The following SCFD2 variants were observed in gnomAD, a reference collection of about 807,000 sequenced individuals.
The protein encoded by SCFD2 is sec1 family domain containing 2, also known as sec1 family domain-containing protein 2.
SCFD2 carries 54 observed loss-of-function variants against 58.9 expected under a neutral mutation model. That is an observed-to-expected ratio of 0.92 (90% CI 0.74 to 1.15). The LOEUF (loss-of-function observed/expected upper bound fraction) is 1.15, where lower values mean the gene tolerates loss of function less well. Among genes scored for constraint, SCFD2 ranks in the 50% most tolerant of loss-of-function variants. The pLI is 0.00. For missense variants in SCFD2, 805 were observed against 836.6 expected (o/e 0.96, Z 0.47); for synonymous variants, 321 against 335.9 (o/e 0.96, Z 0.49).
At chr4:53,167,396 G>A (rs1228484148) in intron 4 of SCFD2, among the ~76,000 whole-genome samples, 1 of 152,114 alleles carries the variant, frequency 6.6e-6, no homozygotes, top group Non-Finnish European at 1.5e-5. Context: ...TTATTTGAAG[G>A]TTATAATCTT....
chr4:53,123,616 T>C (rs1442350830), intron 5 of SCFD2, among the ~76,000 whole-genome samples: 2 of 152,144 alleles, frequency 1.3e-5, no homozygotes, highest in African/African-American at 2.4e-5. Context: ...CCCAAAATGC[T>C]ACTAAAACCC....
chr4:53,019,405 T>C (rs1403609256), intron 5 of SCFD2, among the ~76,000 whole-genome samples: 1 of 152,194 alleles, frequency 6.6e-6, no homozygotes, highest in Non-Finnish European at 1.5e-5. Flanking sequence ...TTGAAATAAG[T>C]TTATCAAAAT....
At chr4:52,919,310 A>G (rs1719679889) in intron 6 of SCFD2, among the ~76,000 whole-genome samples, 1 of 152,196 alleles carries the variant, frequency 6.6e-6, no homozygotes, top group African/African-American at 2.4e-5. Flanking sequence ...ATGTCATCAT[A>G]TATCACTAGT....
intron 2 of SCFD2, among the ~76,000 whole-genome samples, chr4:53,350,347 G>A (rs1734179650): frequency 6.6e-6 from 1 of 152,116 alleles, no homozygotes; most frequent in South Asian, 2.1e-4. Flanking sequence ...TTAAGGAGAA[G>A]GACTCAAAGA....
intron 7 of SCFD2, among the ~76,000 whole-genome samples, chr4:52,899,854 T>C (rs1719136544): frequency 6.6e-6 from 1 of 152,214 alleles, no homozygotes; most frequent in South Asian, 2.1e-4. Context: ...CATTTCTTTT[T>C]ATTCTTTTTT....
intron 5 of SCFD2, among the ~76,000 whole-genome samples, chr4:53,042,339 A>G (rs1362734143): frequency 9.1e-5 from 13 of 142,154 alleles, no homozygotes; most frequent in East Asian, 5.8e-4. Flanking sequence ...GTGTGTGTGT[A>G]TATATATATA....
At chr4:53,302,789 T>A (rs1428822444) in intron 3 of SCFD2, among the ~76,000 whole-genome samples, 1 of 152,050 alleles carries the variant, frequency 6.6e-6, no homozygotes, top group Non-Finnish European at 1.5e-5. Context: ...CCCTCAGAAA[T>A]AATGCTGCAT....
At chr4:53,243,592 T>A (rs1358166574) in intron 4 of SCFD2, among the ~76,000 whole-genome samples, 1 of 152,070 alleles carries the variant, frequency 6.6e-6, no homozygotes, top group Admixed American at 6.6e-5. Flanking sequence ...AATGACCACT[T>A]ATCAACATGA....
chr4:53,341,267 C>A lies in SCFD2; in HGVS notation c.1007+11331G>T, dbSNP rs1472158214. 2.0e-5 allele frequency among the ~76,000 whole-genome samples: 3 copies of A among 152,124 alleles called. No individual in the cohort carries two copies. In the East Asian group the frequency reaches 5.8e-4, roughly 29 times the overall value. ...CAGTGTAGAGAAGTACTTAAATGAC[C>A]TGGTGGAGCTGAAAACCATGGCACA... On this transcript the variant is annotated intron_variant, in intron 2 of 8. Transcript: ENST00000401642.
At chr4:53,107,006 C>T (rs1233547208) in intron 5 of SCFD2, among the ~76,000 whole-genome samples, 1 of 152,146 alleles carries the variant, frequency 6.6e-6, no homozygotes. Context: ...AAGGGAAGCC[C>T]ATCAGACTAA....
chr4:53,153,521 T>C (rs377418342), intron 4 of SCFD2, among the ~76,000 whole-genome samples: 4 of 152,264 alleles, frequency 2.6e-5, no homozygotes, highest in African/African-American at 9.6e-5. Flanking sequence ...AACTATTCTT[T>C]CCTCCTACAC....
rs145167699 is a variant in SCFD2 at position 53,178,851 on chromosome 4, C to T, written c.1312-33269G>A. Among the ~76,000 whole-genome samples, 1,109 of 152,156 alleles carry T rather than the reference C, an allele frequency of 7.3e-3. 6 individuals are homozygous for T. Among genetic ancestry groups the T allele is most frequent in the African/African-American group, 0.025 (1,050 of 41,512 alleles). ...CAAGGCACGAGAGCTACGTGATGAA[C>T]GCAGAAAGCCTCAGTAGCCGATGCG... On this transcript the variant is annotated intron_variant, in intron 4 of 8. Coordinates refer to ENST00000401642, the MANE Select transcript of SCFD2 (RefSeq NM_152540.4).
intron 4 of SCFD2, among the ~76,000 whole-genome samples, chr4:53,163,484 G>A (rs1319074900): frequency 6.6e-6 from 1 of 152,180 alleles, no homozygotes; most frequent in Non-Finnish European, 1.5e-5. Flanking sequence ...AGCACTTAAG[G>A]AGGCCGAGGT....
In SCFD2 at chr4:53,268,049, G is replaced by A. The variant is rs545072363; in HGVS notation, c.1311+5777C>T. On this transcript the variant is annotated intron_variant, in intron 4 of 8. Coordinates refer to ENST00000401642, the MANE Select transcript of SCFD2 (RefSeq NM_152540.4). ...TAGACAGCAGCAGGGTGAAGAGATT[G>A]TCCATACGGTAGGGCAGGAGGAATG... Among the ~76,000 whole-genome samples, 4 of 152,236 alleles carry A rather than the reference G, an allele frequency of 2.6e-5. No homozygotes were observed. In the East Asian group the frequency reaches 5.8e-4, roughly 22 times the overall value.
chr4:53,274,064 T>G, intron 3 of SCFD2, 63 bp from the exon 4 acceptor site: 53 of 1,342,516 alleles, frequency 3.9e-5, no homozygotes, highest in Non-Finnish European at 5.1e-5. Flanking sequence ...ATGAGAAGGA[T>G]TCCATTAATA....
chr4:53,094,924 A>C (rs1234259608), intron 5 of SCFD2, among the ~76,000 whole-genome samples: 1 of 152,146 alleles, frequency 6.6e-6, no homozygotes, highest in African/African-American at 2.4e-5. Context: ...TCTATGTCAC[A>C]AAATACAATG....
chr4:52,918,235 G>C (rs1218970521), intron 6 of SCFD2, among the ~76,000 whole-genome samples: 1 of 152,230 alleles, frequency 6.6e-6, no homozygotes. Flanking sequence ...TTCTAAACCA[G>C]ACACGCAGCT....
chr4:53,123,733 G>A (rs1725548940), intron 5 of SCFD2, among the ~76,000 whole-genome samples: 1 of 152,220 alleles, frequency 6.6e-6, no homozygotes, highest in South Asian at 2.1e-4. Flanking sequence ...GCTCAAGTGA[G>A]ATGATGTCTC....
chr4:53,216,042 G>T (rs1467547237), intron 4 of SCFD2, among the ~76,000 whole-genome samples: 3 of 152,144 alleles, frequency 2.0e-5, no homozygotes, highest in Admixed American at 2.0e-4. Context: ...GCTGGATTCG[G>T]TTCATCAGTA....
Sources: allele counts gnomAD v4.1 joint callset (sites outside exome capture counted in the v4.1 genomes callset), GRCh38; gene constraint gnomAD v4.1.1; transcripts MANE v1.5; gene names NCBI Gene and HGNC (gene_info 2026-07-23, HGNC 2026-07-21).